Variants in NMNAT3 observed in about 807,000 individuals in gnomAD.
NMNAT3 encodes nicotinamide nucleotide adenylyltransferase 3, also known as nicotinamide/nicotinic acid mononucleotide adenylyltransferase 3.
NMNAT3 carries 21 observed loss-of-function variants against 24.8 expected under a neutral mutation model. The observed-to-expected ratio is 0.85, with a 90% CI of 0.60 to 1.22. The LOEUF is 1.22. Among genes scored for constraint, NMNAT3 ranks in the 50% most tolerant of loss-of-function variants. The probability of loss-of-function intolerance (pLI) is 0.00; values close to 1 mark genes in which losing one functional copy is unlikely to be tolerated. For missense variants in NMNAT3, 387 were observed against 436.6 expected (o/e 0.89, Z 1.01); for synonymous variants, 136 against 155.2 (o/e 0.88, Z 0.92).
At chr3:139,664,460 AGGGATACT>A (rs1471930862) in intron 1 of NMNAT3, among the ~76,000 whole-genome samples, 2 of 152,212 alleles carry the variant, frequency 1.3e-5, no homozygotes, top group Non-Finnish European at 2.9e-5. Context: ...CTCTTTCAAT[AGGGATACT>A]GGAAAAAAAG....
chr3:139,618,784 A>G (rs1292635834), intron 3 of NMNAT3, among the ~76,000 whole-genome samples: 2 of 152,240 alleles, frequency 1.3e-5, no homozygotes, highest in African/African-American at 4.8e-5. Context: ...GGTTCGGGTT[A>G]TGGCTCGGTG....
chr3:139,587,693 T>A (rs1207407795), intron 3 of NMNAT3, among the ~76,000 whole-genome samples: 1 of 152,208 alleles, frequency 6.6e-6, no homozygotes. Context: ...TAAGATCAAG[T>A]TGAATGTTAT....
In NMNAT3 at chr3:139,560,943, A is replaced by T; in HGVS notation, c.*67T>A. On this transcript the variant is annotated 3_prime_UTR_variant, in exon 7 of 7. Coordinates refer to ENST00000643695, the MANE Select transcript of NMNAT3 (RefSeq NM_001320510.2). ...AGAAGCAAAAACCAAAGTAAAACAG[A>T]AACCTTAACAGCCCTCTCCCCAGCA... 9 of 1,496,504 alleles carry T rather than the reference A, an allele frequency of 6.0e-6. No homozygotes were observed. In the South Asian group the frequency reaches 1.2e-4, roughly 20 times the overall value. 92.7% of individuals were successfully genotyped at this position (1,496,504 alleles called of 1,614,324 possible).
intron 1 of NMNAT3, among the ~76,000 whole-genome samples, chr3:139,676,963 A>G (rs2057949082): frequency 6.6e-6 from 1 of 152,180 alleles, no homozygotes; most frequent in Non-Finnish European, 1.5e-5. Flanking sequence ...TCCATTCTCA[A>G]TGGGTAGAAC....
chr3:139,662,800 ACACCTG>A (rs1210512937), intron 1 of NMNAT3, among the ~76,000 whole-genome samples: 1 of 152,084 alleles, frequency 6.6e-6, no homozygotes, highest in Admixed American at 6.5e-5. Flanking sequence ...GGTTCTTCAG[ACACCTG>A]CCCATCAGCT....
In NMNAT3 at chr3:139,560,506, T is replaced by TTG. The variant is rs1239267914; in HGVS notation, c.*502_*503dup. Reference sequence around the variant, plus strand: ...TCAGCAATGTGCTGTTTCCAACTGTTTGACTCCTCAGTTCATATTCTGAAA... The same window carrying TTG: ...TCAGCAATGTGCTGTTTCCAACTGTTTGTGACTCCTCAGTTCATATTCTGAAA... On this transcript the variant is annotated 3_prime_UTR_variant, in exon 7 of 7. Coordinates refer to ENST00000643695, the MANE Select transcript of NMNAT3 (RefSeq NM_001320510.2). 1 of 153,920 alleles carries TTG rather than the reference T, an allele frequency of 6.5e-6. No homozygotes were observed. Among genetic ancestry groups the TTG allele is most frequent in the African/African-American group, 2.4e-5 (1 of 41,492 alleles). The allele number at this position is 153,920 out of a possible 1,614,324, so 9.5% of individuals were successfully genotyped here.
intron 1 of NMNAT3, among the ~76,000 whole-genome samples, chr3:139,661,098 C>A (rs13075367): frequency 2.6e-5 from 4 of 152,092 alleles, no homozygotes; most frequent in Non-Finnish European, 5.9e-5. Context: ...CATAAGCAAT[C>A]TTTCAATGAT....
intron 1 of NMNAT3, among the ~76,000 whole-genome samples, chr3:139,647,174 C>T (rs988775620): frequency 2.6e-5 from 4 of 152,218 alleles, no homozygotes; most frequent in African/African-American, 9.6e-5. Context: ...TAATTTCACT[C>T]ATTACAGTTG....
chr3:139,634,741 A>C (rs914394221), intron 2 of NMNAT3, 94 bp from the exon 3 acceptor site: 3 of 152,214 alleles, frequency 2.0e-5, no homozygotes, highest in African/African-American at 7.2e-5. Context: ...GAGAAATTTC[A>C]AAAGATTTGA....
chr3:139,596,532 A>G (rs2054468225), intron 3 of NMNAT3, among the ~76,000 whole-genome samples: 2 of 152,156 alleles, frequency 1.3e-5, no homozygotes, highest in African/African-American at 4.8e-5. Flanking sequence ...CTTTTTATAT[A>G]GAGTCATGTT....
intron 1 of NMNAT3, among the ~76,000 whole-genome samples, chr3:139,653,873 G>A (rs2057143336): frequency 6.6e-6 from 1 of 152,168 alleles, no homozygotes; most frequent in Non-Finnish European, 1.5e-5. Flanking sequence ...AAGGTAGAAG[G>A]GACCAGAGAC....
At chr3:139,612,813 C>A (rs1356669711) in intron 3 of NMNAT3, among the ~76,000 whole-genome samples, 1 of 152,002 alleles carries the variant, frequency 6.6e-6, no homozygotes, top group Admixed American at 6.6e-5. Context: ...AGAACAGAGC[C>A]CTCAGAAATA....
intron 4 of NMNAT3, among the ~76,000 whole-genome samples, chr3:139,582,743 A>T (rs2053718720): frequency 6.6e-6 from 1 of 151,128 alleles, no homozygotes; most frequent in Non-Finnish European, 1.5e-5. Context: ...TCAACAAAAA[A>T]TATATATAAT....
chr3:139,567,126 T>C (rs1189718381), intron 6 of NMNAT3: 2 of 152,222 alleles, frequency 1.3e-5, no homozygotes, highest in African/African-American at 4.8e-5. Context: ...TTTGAAGCAA[T>C]TGTGAATGGG....
chr3:139,605,920 T>G (rs1278722815), intron 3 of NMNAT3, among the ~76,000 whole-genome samples: 1 of 152,130 alleles, frequency 6.6e-6, no homozygotes, highest in East Asian at 1.9e-4. Context: ...TGTGATTTTT[T>G]TTTTTTTCTG....
intron 3 of NMNAT3, among the ~76,000 whole-genome samples, chr3:139,620,036 G>C (rs1022931059): frequency 1.7e-4 from 26 of 152,088 alleles, no homozygotes; most frequent in Admixed American, 3.3e-4. Context: ...TGATTTGTTT[G>C]AATCAGGATT....
At chr3:139,629,369 A>G (rs546477021) in intron 2 of NMNAT3, among the ~76,000 whole-genome samples, 19 of 152,350 alleles carry the variant, frequency 1.2e-4, no homozygotes, top group Non-Finnish European at 2.2e-4. Context: ...CCCTGCGAAC[A>G]CTGACTGAAG....
At chr3:139,623,241 T>C (rs11710020) in intron 3 of NMNAT3, among the ~76,000 whole-genome samples, 72,075 of 151,892 alleles carry the variant, frequency 0.47, 18,436 homozygotes, top group South Asian at 0.76. Flanking sequence ...TTGTTAGAAA[T>C]TAAGATACAA....
At chr3:139,641,148 A>G (rs1277994061) in intron 1 of NMNAT3, among the ~76,000 whole-genome samples, 1 of 152,180 alleles carries the variant, frequency 6.6e-6, no homozygotes, top group Non-Finnish European at 1.5e-5. Context: ...ACCAAAGCCT[A>G]TGCATAGGTT....
Sources: allele counts gnomAD v4.1 joint callset (sites outside exome capture counted in the v4.1 genomes callset), GRCh38; gene constraint gnomAD v4.1.1; transcripts MANE v1.5; gene names NCBI Gene and HGNC (gene_info 2026-07-23, HGNC 2026-07-21).